USP54: variants seen among roughly 807,000 people sequenced by gnomAD.
USP54 encodes ubiquitin specific peptidase 54.
A neutral mutation model predicts 170.5 loss-of-function variants in USP54; 87 were observed. The ratio of observed to expected loss-of-function variants is 0.51; its 90% confidence interval spans 0.43 to 0.61. The LOEUF (loss-of-function observed/expected upper bound fraction) is 0.61, where lower values mean the gene tolerates loss of function less well. USP54 is among the 20% of genes least tolerant of loss of function. The pLI is 0.00. For synonymous variants in USP54, 655 were observed against 742.8 expected (o/e 0.88, Z 1.92); for missense variants, 1,786 against 2,047.8 (o/e 0.87, Z 2.47).
chr10:73,500,982 AC>A (rs1166224993), intron 22 of USP54, 144 bp from the exon 23 acceptor site: 1 of 838,860 alleles, frequency 1.2e-6, no homozygotes, highest in African/African-American at 1.8e-5. Context: ...CTGGAACAGG[AC>A]CCAATTTACT....
At chr10:73,530,942 A>G in intron 12 of USP54, 107 bp from the exon 13 acceptor site, 1 of 1,483,622 alleles carries the variant, frequency 6.7e-7, no homozygotes, top group Non-Finnish European at 9.2e-7. Flanking sequence ...TAGAGTACCC[A>G]TGGAACAGAA....
chr10:73,568,924 A>G (rs908062234), intron 4 of USP54, among the ~76,000 whole-genome samples: 10 of 152,184 alleles, frequency 6.6e-5, no homozygotes, highest in Non-Finnish European at 1.5e-4. Context: ...ATATAATGAT[A>G]CTGATTTATA....
chr10:73,577,292 T>C (rs1416636742), intron 1 of USP54, among the ~76,000 whole-genome samples: 1 of 152,194 alleles, frequency 6.6e-6, no homozygotes, highest in African/African-American at 2.4e-5. Context: ...TCTTAATCAT[T>C]CTCTGGGAGA....
intron 1 of USP54, among the ~76,000 whole-genome samples, chr10:73,596,933 G>A (rs1281650861): frequency 6.6e-6 from 1 of 152,098 alleles, no homozygotes; most frequent in Non-Finnish European, 1.5e-5. Flanking sequence ...AAGCTGCTAA[G>A]GTCTACCATA....
At chr10:73,600,922 T>C (rs1456283944) in intron 1 of USP54, among the ~76,000 whole-genome samples, 4 of 152,094 alleles carry the variant, frequency 2.6e-5, no homozygotes, top group Non-Finnish European at 5.9e-5. Flanking sequence ...CTCAAAAAAC[T>C]ACCTATCAGG....
At chr10:73,595,704 A>G (rs1162240534), upstream of USP54, among the ~76,000 whole-genome samples, 2 of 152,224 alleles carry the variant, frequency 1.3e-5, no homozygotes, top group Non-Finnish European at 2.9e-5. Flanking sequence ...CACCCTGTCT[A>G]TAGAACAAGG....
intron 1 of USP54, among the ~76,000 whole-genome samples, chr10:73,609,621 G>A (rs563655361): frequency 9.9e-5 from 15 of 151,970 alleles, no homozygotes; most frequent in South Asian, 4.2e-4. Context: ...AGAGGTGGGC[G>A]GCTCATGAAG....
intron 4 of USP54, among the ~76,000 whole-genome samples, chr10:73,566,504 G>A (rs1222235252): frequency 1.3e-5 from 2 of 151,980 alleles, no homozygotes; most frequent in African/African-American, 2.4e-5. Flanking sequence ...GGGCCGAGGC[G>A]GGTGGATCAC....
chr10:73,623,176 A>G (rs2081225886), intron 1 of USP54, among the ~76,000 whole-genome samples: 1 of 152,058 alleles, frequency 6.6e-6, no homozygotes. Context: ...GCTGGGTAAC[A>G]TAGCCAGACC....
intron 4 of USP54, among the ~76,000 whole-genome samples, chr10:73,552,522 G>A (rs2069718810): frequency 6.6e-6 from 1 of 152,138 alleles, no homozygotes; most frequent in African/African-American, 2.4e-5. Flanking sequence ...CGGGCGTGGT[G>A]GCCCACGCCT....
intron 1 of USP54, among the ~76,000 whole-genome samples, chr10:73,583,313 T>C (rs1260279250): frequency 6.6e-6 from 1 of 152,116 alleles, no homozygotes; most frequent in Non-Finnish European, 1.5e-5. Flanking sequence ...GAAACAAAGT[T>C]TCTCACTTGT....
chr10:73,547,955 C>T (rs1420376019), intron 4 of USP54, among the ~76,000 whole-genome samples: 6 of 151,806 alleles, frequency 4.0e-5, no homozygotes, highest in East Asian at 3.9e-4. Flanking sequence ...ACCTACAGAA[C>T]GGTAGAACAT....
chr10:73,509,428 C>A (rs1167286704), intron 20 of USP54, among the ~76,000 whole-genome samples: 2 of 149,476 alleles, frequency 1.3e-5, no homozygotes, highest in Non-Finnish European at 3.0e-5. Context: ...ATAGTGAAAC[C>A]CTGTCTCTAC....
At chr10:73,603,988 C>T (rs1282285179) in intron 1 of USP54, among the ~76,000 whole-genome samples, 1 of 151,986 alleles carries the variant, frequency 6.6e-6, no homozygotes. Flanking sequence ...CAGTGGCTCA[C>T]ACCTGTAATC....
rs1456660767 is a variant in USP54, at chr10:73,499,121, C to T, written c.4563G>A (p.Lys1521=). 1.2e-6 allele frequency: 2 copies of T among 1,613,942 alleles called. No individual in the cohort carries two copies. Among genetic ancestry groups the T allele is most frequent in the Admixed American group, 1.7e-5 (1 of 60,000 alleles). The part of the protein sequence containing the change: ...CDRGETSQGA[K]YTGRTLNYQS... Reference sequence around the variant, plus strand: ...GGTAGTTCAAAGTCCTTCCTGTGTACTTGGCCCCTTGGGAAGTTTCACCCC... The same window carrying T: ...GGTAGTTCAAAGTCCTTCCTGTGTATTTGGCCCCTTGGGAAGTTTCACCCC... The change falls in exon 24 of 24, where the codon AAG becomes AAA. Residue 1521 remains lysine (K), a synonymous_variant. Transcript: ENST00000687698.
chr10:73,614,834 G>A (rs1454419066), intron 1 of USP54, among the ~76,000 whole-genome samples: 1 of 150,250 alleles, frequency 6.7e-6, no homozygotes, highest in Non-Finnish European at 1.5e-5. Context: ...GGGATGGAGA[G>A]AGCCTACTTA....
At chr10:73,539,294 TA>T (rs1230364085) in intron 10 of USP54, 149 bp downstream of exon 10, 7,407 of 207,646 alleles carry the variant, frequency 0.036, 58 homozygotes, top group African/African-American at 0.051. Flanking sequence ...AAAAAAAAAT[TA>T]AAAAAAAAAA....
intron 20 of USP54, among the ~76,000 whole-genome samples, chr10:73,512,975 T>C (rs188478933): frequency 7.9e-5 from 12 of 151,880 alleles, no homozygotes; most frequent in East Asian, 3.9e-4. Flanking sequence ...CAGTGAGCTG[T>C]GATCATGTCA....
intron 23 of USP54, chr10:73,499,920 A>C (rs570636913): frequency 6.6e-6 from 1 of 152,248 alleles, no homozygotes; most frequent in Non-Finnish European, 1.5e-5. Flanking sequence ...AATACTTTGC[A>C]AAAACAGTAT....
Sources: allele counts gnomAD v4.1 joint callset (sites outside exome capture counted in the v4.1 genomes callset), GRCh38; gene constraint gnomAD v4.1.1; transcripts MANE v1.5; gene names NCBI Gene and HGNC (gene_info 2026-07-23, HGNC 2026-07-21).